The following STXBP5 variants were observed in gnomAD, a reference collection of about 807,000 sequenced individuals.
STXBP5 encodes syntaxin binding protein 5.
STXBP5 carries 50 observed loss-of-function variants against 152.4 expected under a neutral mutation model. That is an observed-to-expected ratio of 0.33 (90% CI 0.26 to 0.42). STXBP5 has a LOEUF of 0.42. Among genes scored for constraint, STXBP5 ranks in the 10% least tolerant of loss-of-function variants. The probability of loss-of-function intolerance (pLI) is 1.00; values close to 1 mark genes in which losing one functional copy is unlikely to be tolerated. For synonymous variants in STXBP5, 492 were observed against 494.7 expected (o/e 0.99, Z 0.07); for missense variants, 1,167 against 1,388.6 (o/e 0.84, Z 2.54).
intron 21 of STXBP5, among the ~76,000 whole-genome samples, chr6:147,349,199 G>A (rs1037920131): frequency 2.0e-5 from 3 of 151,990 alleles, no homozygotes; most frequent in African/African-American, 7.2e-5. Context: ...TCAGGAGGAA[G>A]CTAAAAAACA....
At chr6:147,258,053 G>A (rs1779460107) in intron 4 of STXBP5, among the ~76,000 whole-genome samples, 1 of 152,146 alleles carries the variant, frequency 6.6e-6, no homozygotes, top group Non-Finnish European at 1.5e-5. Flanking sequence ...CATGGCACTT[G>A]GGTTCTGAAA....
chr6:147,386,251 ATTCCT>A lies in STXBP5; in HGVS notation c.*1499_*1503del, dbSNP rs1192114579. The A allele has an allele frequency of 6.6e-6, 1 of 151,966 alleles. No individual in the cohort carries two copies. The highest frequency in any genetic ancestry group is 6.6e-5 in the Admixed American group (1 of 15,218). The allele number at this position is 151,966 out of a possible 1,614,324, so 9.4% of individuals were successfully genotyped here. A position where few individuals can be genotyped will look rare whatever the true frequency, so the allele number is the denominator to read the frequency against. On this transcript the variant is annotated 3_prime_UTR_variant, in exon 28 of 28. Transcript: ENST00000321680. ...ATTTAAATATTGTCTTCTATAAAAAATTCCTTTAAATGATTTTGTTTTTTCATTAA... is the reference window on the plus strand; with the variant it reads ...ATTTAAATATTGTCTTCTATAAAAAATTAAATGATTTTGTTTTTTCATTAA...
chr6:147,384,873 T>TAGGAA lies in STXBP5; in HGVS notation c.*120_*121insGAAAG. On this transcript the variant is annotated 3_prime_UTR_variant, in exon 28 of 28. Transcript: ENST00000321680. ...TTCGTCACTGAATACTGTTCTTTCCTAGCACAGTCATGCACTGTTTTACCT... is the reference window on the plus strand; with the variant it reads ...TTCGTCACTGAATACTGTTCTTTCCTAGGAAAGCACAGTCATGCACTGTTTTACCT... The TAGGAA allele has an allele frequency of 9.5e-7, 1 of 1,049,934 alleles. No individual in the cohort carries two copies. Among genetic ancestry groups the TAGGAA allele is most frequent in the Non-Finnish European group, 1.4e-6 (1 of 692,528 alleles). The allele number at this position is 1,049,934 out of a possible 1,614,324, so 65.0% of individuals were successfully genotyped here.
chr6:147,271,636 A>G (rs1780175282), intron 7 of STXBP5, among the ~76,000 whole-genome samples: 1 of 152,122 alleles, frequency 6.6e-6, no homozygotes, highest in African/African-American at 2.4e-5. Flanking sequence ...GGATGCAGCT[A>G]AAGTATCCAT....
chr6:147,216,076 T>C (rs1340166420), intron 2 of STXBP5, among the ~76,000 whole-genome samples: 1 of 152,172 alleles, frequency 6.6e-6, no homozygotes, highest in African/African-American at 2.4e-5. Context: ...AAAAACTACC[T>C]GAAAAATGAA....
chr6:147,317,920 C>A (rs925889245), intron 16 of STXBP5, among the ~76,000 whole-genome samples: 1 of 152,056 alleles, frequency 6.6e-6, no homozygotes, highest in Admixed American at 6.6e-5. Context: ...TTATGACATA[C>A]GTAGTACAAT....
At chr6:147,277,248 A>G (rs1172591046) in intron 7 of STXBP5, among the ~76,000 whole-genome samples, 3 of 152,078 alleles carry the variant, frequency 2.0e-5, no homozygotes, top group Non-Finnish European at 4.4e-5. Flanking sequence ...TTGGCTTTAT[A>G]TGTGACAGAA....
chr6:147,384,807 T>G lies in STXBP5; in HGVS notation c.*52T>G. The stretch of plus-strand genomic sequence containing the variant: ...CAGCCAGAAGGAAAAAAGTTTTCCA[T>G]TTTTATTACATTCTTTAGGAAAGTT... On this transcript the variant is annotated 3_prime_UTR_variant, in exon 28 of 28. Transcript: ENST00000321680. The G allele has an allele frequency of 6.5e-7, 1 of 1,546,112 alleles. No individual in the cohort carries two copies. Among genetic ancestry groups the G allele is most frequent in the Non-Finnish European group, 8.9e-7 (1 of 1,128,960 alleles).
intron 25 of STXBP5, among the ~76,000 whole-genome samples, chr6:147,368,227 T>C (rs1785382588): frequency 6.6e-6 from 1 of 151,166 alleles, no homozygotes; most frequent in Non-Finnish European, 1.5e-5. Context: ...TATAAACCAA[T>C]ATCTCTCATA....
At chr6:147,296,073 C>G (rs576138976) in intron 9 of STXBP5, among the ~76,000 whole-genome samples, 70 of 152,154 alleles carry the variant, frequency 4.6e-4, no homozygotes, top group Non-Finnish European at 7.6e-4. Flanking sequence ...CAAAAAAAAA[C>G]AGATGGTCCT....
At chr6:147,234,700 C>G (rs973437415) in intron 2 of STXBP5, among the ~76,000 whole-genome samples, 1 of 151,884 alleles carries the variant, frequency 6.6e-6, no homozygotes, top group African/African-American at 2.4e-5. Context: ...AAGATTGACA[C>G]GTTCATTTGG....
chr6:147,260,316 G>T (rs771098824), intron 4 of STXBP5, among the ~76,000 whole-genome samples: 1 of 151,882 alleles, frequency 6.6e-6, no homozygotes, highest in Admixed American at 6.6e-5. Flanking sequence ...GGCCTAAAGG[G>T]TAAATGTGTG....
At chr6:147,264,176 T>G (rs1779776506) in intron 6 of STXBP5, among the ~76,000 whole-genome samples, 2 of 152,028 alleles carry the variant, frequency 1.3e-5, no homozygotes, top group Admixed American at 1.3e-4. Context: ...TGCAAAGAAC[T>G]AGACATTTTG....
rs1263449593 is a variant in STXBP5, at chr6:147,385,170, T to C, written c.*415T>C. 5.9e-6 allele frequency: 1 copy of C among 170,838 alleles called. No individual in the cohort carries two copies. The highest frequency in any genetic ancestry group is 1.2e-5 in the Non-Finnish European group (1 of 81,344). 10.6% of individuals were successfully genotyped at this position (170,838 alleles called of 1,614,324 possible). ...GGCAATAAGTCAGAAGTCTTGAAGTTGAAATAGTTATATGTGTGTCATTGG... is the reference window on the plus strand; with the variant it reads ...GGCAATAAGTCAGAAGTCTTGAAGTCGAAATAGTTATATGTGTGTCATTGG... On this transcript the variant is annotated 3_prime_UTR_variant, in exon 28 of 28. Coordinates refer to ENST00000321680, the MANE Select transcript of STXBP5 (RefSeq NM_001127715.4).
chr6:147,217,426 C>T (rs903313357), intron 2 of STXBP5, among the ~76,000 whole-genome samples: 4 of 152,116 alleles, frequency 2.6e-5, no homozygotes, highest in Non-Finnish European at 4.4e-5. Flanking sequence ...TAACCCAGAC[C>T]ACTATTATTT....
At chr6:147,360,480 AT>A (rs945093919) in intron 23 of STXBP5, among the ~76,000 whole-genome samples, 22 of 151,538 alleles carry the variant, frequency 1.5e-4, no homozygotes, top group African/African-American at 3.6e-4. Context: ...CAATTTTGCC[AT>A]TTTTTTTTAA....
At chr6:147,359,732 T>C (rs1326364736) in intron 23 of STXBP5, among the ~76,000 whole-genome samples, 1 of 151,420 alleles carries the variant, frequency 6.6e-6, no homozygotes, top group East Asian at 2.0e-4. Context: ...GTTCTTGCGA[T>C]AGTTTACAGA....
chr6:147,314,460 T>C, intron 13 of STXBP5, 129 bp downstream of exon 13: 1 of 1,312,644 alleles, frequency 7.6e-7, no homozygotes, highest in South Asian at 1.3e-5. Flanking sequence ...AGAAATGTTA[T>C]TCTTAAGAAC....
At chr6:147,340,337 C>T (rs939389858) in intron 21 of STXBP5, among the ~76,000 whole-genome samples, 3 of 151,990 alleles carry the variant, frequency 2.0e-5, no homozygotes, top group South Asian at 2.1e-4. Context: ...GTCATATTAA[C>T]GGTGGCTGAC....
Sources: gnomAD v4.1 joint callset for allele counts (sites outside exome capture counted in the v4.1 genomes callset) on GRCh38, gnomAD v4.1.1 for gene constraint, MANE v1.5 for transcripts, NCBI Gene and HGNC (gene_info 2026-07-23, HGNC 2026-07-21) for gene names.